The following TAB2 variants were observed in gnomAD, a reference collection of about 807,000 sequenced individuals.
TAB2 encodes TGF-beta-activated kinase 1 and MAP3K7-binding protein 2.
A neutral mutation model predicts 65.0 loss-of-function variants in TAB2; 3 were observed. The observed-to-expected ratio is 0.05, with a 90% confidence interval of 0.02 to 0.12. TAB2 has a LOEUF of 0.12. Among genes scored for constraint, TAB2 ranks in the 10% least tolerant of loss-of-function variants. The pLI, the probability that TAB2 is intolerant of heterozygous loss-of-function variation, is 1.00. For synonymous variants in TAB2, 298 were observed against 285.1 expected (o/e 1.05, Z -0.46); for missense variants, 623 against 840.3 (o/e 0.74, Z 3.20).
upstream of TAB2, among the ~76,000 whole-genome samples, chr6:149,315,954 A>G (rs955204166): frequency 2.6e-5 from 4 of 152,238 alleles, no homozygotes; most frequent in African/African-American, 9.6e-5. Flanking sequence ...AAATTTGCAT[A>G]AAATACATCA....
chr6:149,369,993 T>G lies in TAB2; in HGVS notation c.-5T>G. On this transcript the variant is annotated 5_prime_UTR_variant, in exon 2 of 7. Transcript: ENST00000637181. ...TACAAATAGTCCTGATCAGGCAATA[T>G]ACGAATGGCCCAAGGAAGCCACCAA... 1 of 1,613,596 alleles carries G rather than the reference T, an allele frequency of 6.2e-7. No individual in the cohort carries two copies. The highest frequency in any genetic ancestry group is 8.5e-7 in the Non-Finnish European group (1 of 1,179,520).
chr6:149,286,897 C>T (rs1343920484), intron 1 of TAB2, among the ~76,000 whole-genome samples: 1 of 152,104 alleles, frequency 6.6e-6, no homozygotes, highest in Non-Finnish European at 1.5e-5. Context: ...GGGTGGATCA[C>T]CTGAGGTCAG....
intron 1 of TAB2, among the ~76,000 whole-genome samples, chr6:149,283,358 C>A (rs923737133): frequency 1.3e-5 from 2 of 152,086 alleles, no homozygotes; most frequent in Non-Finnish European, 2.9e-5. Context: ...ATTGATAATA[C>A]CTATAACTAA....
intron 1 of TAB2, among the ~76,000 whole-genome samples, chr6:149,278,207 T>C (rs1170082213): frequency 6.6e-6 from 1 of 152,204 alleles, no homozygotes; most frequent in Non-Finnish European, 1.5e-5. Flanking sequence ...CCTGTTGTAA[T>C]AAATATACAC....
chr6:149,367,004 A>G (rs1169502600), intron 1 of TAB2, among the ~76,000 whole-genome samples: 1 of 151,340 alleles, frequency 6.6e-6, no homozygotes. Context: ...TGGAAGCCTT[A>G]TAGAAGGAAA....
chr6:149,375,759 G>A (rs1311808505), intron 2 of TAB2, among the ~76,000 whole-genome samples: 1 of 152,106 alleles, frequency 6.6e-6, no homozygotes, highest in Non-Finnish European at 1.5e-5. Flanking sequence ...AATAGGAATC[G>A]TTGATAAAGA....
intron 1 of TAB2, among the ~76,000 whole-genome samples, chr6:149,268,561 G>A (rs1778304697): frequency 1.3e-5 from 2 of 152,126 alleles, no homozygotes; most frequent in East Asian, 1.9e-4. Context: ...TCCTTGCATT[G>A]GATAAATTCT....
At chr6:149,271,795 C>T (rs183868914) in intron 1 of TAB2, among the ~76,000 whole-genome samples, 31 of 152,216 alleles carry the variant, frequency 2.0e-4, no homozygotes, top group African/African-American at 6.5e-4. Flanking sequence ...CTCATACTCA[C>T]GGACAACCAG....
intron 1 of TAB2, chr6:149,347,314 A>G (rs1355907511): frequency 2.6e-5 from 4 of 152,242 alleles, no homozygotes; most frequent in Admixed American, 6.5e-5. Flanking sequence ...GCAGTGCATT[A>G]AATGACAAAA....
At chr6:149,395,064 C>T (rs1439168618) in intron 3 of TAB2, among the ~76,000 whole-genome samples, 1 of 152,260 alleles carries the variant, frequency 6.6e-6, no homozygotes, top group African/African-American at 2.4e-5. Context: ...TAGAGTCTTT[C>T]TCTTGCCCTA....
intron 1 of TAB2, among the ~76,000 whole-genome samples, chr6:149,320,343 C>G (rs942928188): frequency 6.6e-6 from 1 of 152,204 alleles, no homozygotes; most frequent in African/African-American, 2.4e-5. Context: ...TCCCAAATGC[C>G]TAATGAAATG....
chr6:149,229,847 T>C (rs541621097), intron 1 of TAB2: 19 of 152,320 alleles, frequency 1.2e-4, no homozygotes, highest in African/African-American at 4.1e-4. Flanking sequence ...TTGAGCAGAG[T>C]GCTGTCGAGT....
At chr6:149,348,329 C>A (rs1780369782) in intron 1 of TAB2, among the ~76,000 whole-genome samples, 1 of 151,678 alleles carries the variant, frequency 6.6e-6, no homozygotes, top group Non-Finnish European at 1.5e-5. Context: ...ATTGAGGCTG[C>A]AATGAGCCAT....
intron 1 of TAB2, among the ~76,000 whole-genome samples, chr6:149,330,523 T>G (rs1411592800): frequency 6.6e-6 from 1 of 152,228 alleles, no homozygotes; most frequent in African/African-American, 2.4e-5. Flanking sequence ...TTGCATATCC[T>G]TAATGGCTAA....
At chr6:149,251,830 A>G (rs1207775257) in intron 1 of TAB2, among the ~76,000 whole-genome samples, 3 of 152,238 alleles carry the variant, frequency 2.0e-5, no homozygotes, top group Non-Finnish European at 4.4e-5. Flanking sequence ...TATGAAACTC[A>G]GTCTCTAGAA....
chr6:149,292,735 A>G (rs953725351), intron 1 of TAB2, among the ~76,000 whole-genome samples: 21 of 152,224 alleles, frequency 1.4e-4, no homozygotes, highest in African/African-American at 5.1e-4. Flanking sequence ...AGCACCCCTG[A>G]AGTTTCTAAA....
intron 1 of TAB2, among the ~76,000 whole-genome samples, chr6:149,296,241 T>G (rs542320053): frequency 2.0e-4 from 31 of 152,318 alleles, no homozygotes; most frequent in Middle Eastern, 6.8e-3. Context: ...CTGGTTGTCT[T>G]GCTTGTGGTT....
intron 1 of TAB2, among the ~76,000 whole-genome samples, chr6:149,228,860 C>G (rs371598980): frequency 6.6e-6 from 1 of 152,210 alleles, no homozygotes; most frequent in Admixed American, 6.5e-5. Flanking sequence ...GATGTGTGTG[C>G]GTGCATGCAT....
At chr6:149,221,564 A>G (rs1777149538) in intron 1 of TAB2, among the ~76,000 whole-genome samples, 1 of 152,236 alleles carries the variant, frequency 6.6e-6, no homozygotes, top group Admixed American at 6.5e-5. Flanking sequence ...TGCTACAGCC[A>G]ACTGAGAGAG....
Sources: gnomAD v4.1 joint callset for allele counts (sites outside exome capture counted in the v4.1 genomes callset) on GRCh38, gnomAD v4.1.1 for gene constraint, MANE v1.5 for transcripts, NCBI Gene and HGNC (gene_info 2026-07-23, HGNC 2026-07-21) for gene names.